Variants in CLASP2 observed in about 807,000 individuals in gnomAD.
CLASP2 encodes CLIP-associating protein 2.
In CLASP2, 47 loss-of-function variants were observed where a neutral mutation model predicts 194.4. The observed-to-expected ratio is 0.24, with a 90% CI of 0.19 to 0.31. CLASP2 has a LOEUF of 0.31. CLASP2 is among the 10% of genes least tolerant of loss of function. CLASP2 has a pLI of 1.00. For missense variants in CLASP2, 1,445 were observed against 1,823.6 expected (o/e 0.79, Z 3.78); for synonymous variants, 619 against 633.5 (o/e 0.98, Z 0.34).
intron 19 of CLASP2, chr3:33,596,444 G>A (rs1327536460): frequency 3.1e-6 from 1 of 324,492 alleles, no homozygotes; most frequent in Admixed American, 4.5e-5. Flanking sequence ...ATTCAGAGGC[G>A]AACTTCTAAG....
intron 8 of CLASP2, among the ~76,000 whole-genome samples, chr3:33,639,370 G>C (rs572502423): frequency 2.6e-5 from 4 of 152,132 alleles, no homozygotes; most frequent in Non-Finnish European, 5.9e-5. Context: ...GGTCCTCTTT[G>C]TTGATTAACG....
At chr3:33,587,938 G>A (rs1285541189) in intron 21 of CLASP2, among the ~76,000 whole-genome samples, 3 of 152,176 alleles carry the variant, frequency 2.0e-5, no homozygotes, top group Non-Finnish European at 4.4e-5. Flanking sequence ...TTTGGGGGGT[G>A]GAAGTGTTGG....
chr3:33,620,685 G>C (rs916359471), intron 11 of CLASP2, among the ~76,000 whole-genome samples: 1 of 152,160 alleles, frequency 6.6e-6, no homozygotes, highest in African/African-American at 2.4e-5. Context: ...TTGAGAATCA[G>C]CTTGATCTTT....
At chr3:33,564,152 T>A (rs1250467322) in intron 27 of CLASP2, among the ~76,000 whole-genome samples, 1 of 152,178 alleles carries the variant, frequency 6.6e-6, no homozygotes, top group African/African-American at 2.4e-5. Flanking sequence ...TATATTTTTA[T>A]ACAGTCTTGT....
chr3:33,684,558 G>T, intron 5 of CLASP2, 102 bp from the exon 6 acceptor site: 1 of 689,686 alleles, frequency 1.4e-6, no homozygotes, highest in Non-Finnish European at 2.3e-6. Context: ...GAAGCTCTAA[G>T]TGGATTTTAA....
At chr3:33,558,365 C>G (rs2154174656) in intron 29 of CLASP2, 1 of 152,264 alleles carries the variant, frequency 6.6e-6, no homozygotes, top group African/African-American at 2.4e-5. Flanking sequence ...CAATTGCATT[C>G]AGAAACTTAA....
At chr3:33,675,102 C>T (rs1339637246) in intron 6 of CLASP2, among the ~76,000 whole-genome samples, 1 of 152,160 alleles carries the variant, frequency 6.6e-6, no homozygotes, top group Non-Finnish European at 1.5e-5. Context: ...CCAGCATCAT[C>T]CTGATACCAA....
chr3:33,669,251 T>C (rs2086723052), intron 6 of CLASP2, among the ~76,000 whole-genome samples: 1 of 152,184 alleles, frequency 6.6e-6, no homozygotes, highest in African/African-American at 2.4e-5. Context: ...CTTTTATCAT[T>C]GCATTTGCCA....
intron 18 of CLASP2, among the ~76,000 whole-genome samples, chr3:33,601,710 T>C (rs1231662411): frequency 2.0e-5 from 3 of 152,210 alleles, no homozygotes; most frequent in Non-Finnish European, 4.4e-5. Flanking sequence ...ATCTGGAATA[T>C]ATTTCTATAT....
intron 21 of CLASP2, among the ~76,000 whole-genome samples, chr3:33,591,746 G>C (rs2068851186): frequency 6.6e-6 from 1 of 152,134 alleles, no homozygotes. Context: ...AGCTTCCAGT[G>C]AAAGAGCAAA....
intron 21 of CLASP2, among the ~76,000 whole-genome samples, chr3:33,589,274 C>T (rs1483475540): frequency 6.6e-6 from 1 of 152,018 alleles, no homozygotes; most frequent in Admixed American, 6.6e-5. Flanking sequence ...ACAATTTTGT[C>T]ATAAATATAG....
intron 7 of CLASP2, among the ~76,000 whole-genome samples, chr3:33,649,872 A>G (rs1469534863): frequency 3.3e-5 from 5 of 152,216 alleles, no homozygotes; most frequent in Admixed American, 6.5e-5. Flanking sequence ...CAGACACTCA[A>G]GACCTTAAAC....
At chr3:33,674,896 G>C (rs1407879621) in intron 6 of CLASP2, among the ~76,000 whole-genome samples, 1 of 152,100 alleles carries the variant, frequency 6.6e-6, no homozygotes, top group Non-Finnish European at 1.5e-5. Flanking sequence ...GGAAGAAGTT[G>C]AATCTCTGAA....
intron 38 of CLASP2, 128 bp from the exon 39 acceptor site, chr3:33,498,845 C>T (rs983740408): frequency 2.2e-6 from 1 of 446,486 alleles, no homozygotes; most frequent in Admixed American, 4.0e-5. Context: ...TATTATAATG[C>T]CCAAGTTATT....
At chr3:33,639,649 A>G (rs575284134) in intron 8 of CLASP2, among the ~76,000 whole-genome samples, 2 of 152,320 alleles carry the variant, frequency 1.3e-5, no homozygotes, top group South Asian at 4.1e-4. Context: ...TTATAGTTAA[A>G]ATAATTTATA....
chr3:33,607,127 A>G (rs908527597), intron 15 of CLASP2, among the ~76,000 whole-genome samples: 5 of 152,248 alleles, frequency 3.3e-5, no homozygotes, highest in Non-Finnish European at 7.3e-5. Context: ...TACAAACTTG[A>G]TAAGTGATAG....
chr3:33,579,874 A>G (rs1252327975), intron 23 of CLASP2, among the ~76,000 whole-genome samples: 2 of 151,804 alleles, frequency 1.3e-5, no homozygotes. Context: ...ACTTCCCTCC[A>G]CTCCTGAAAG....
chr3:33,629,009 A>G (rs1391683507), intron 9 of CLASP2, among the ~76,000 whole-genome samples: 1 of 151,986 alleles, frequency 6.6e-6, no homozygotes, highest in Non-Finnish European at 1.5e-5. Context: ...TAGAAGAACA[A>G]GAAAAAAAAA....
intron 18 of CLASP2, among the ~76,000 whole-genome samples, chr3:33,601,909 G>A (rs1215357779): frequency 6.6e-6 from 1 of 152,022 alleles, no homozygotes; most frequent in East Asian, 1.9e-4. Context: ...AAAATGTTTG[G>A]GGCCAAAAAT....
Sources: gnomAD v4.1 joint callset for allele counts (sites outside exome capture counted in the v4.1 genomes callset) on GRCh38, gnomAD v4.1.1 for gene constraint, MANE v1.5 for transcripts, NCBI Gene and HGNC (gene_info 2026-07-23, HGNC 2026-07-21) for gene names.